The following CCDC63 variants were observed in gnomAD, a reference collection of about 807,000 sequenced individuals.
CCDC63 encodes the protein coiled-coil domain-containing protein 63.
CCDC63 carries 54 observed loss-of-function variants against 63.6 expected under a neutral mutation model. The ratio of observed to expected loss-of-function variants is 0.85; its 90% CI spans 0.68 to 1.07. The LOEUF (loss-of-function observed/expected upper bound fraction) is 1.07, where lower values mean the gene tolerates loss of function less well. Among genes scored for constraint, CCDC63 ranks in the 50% least tolerant of loss-of-function variants. The probability of loss-of-function intolerance (pLI) is 0.00; values close to 1 mark genes in which losing one functional copy is unlikely to be tolerated. For synonymous variants in CCDC63, 253 were observed against 266.1 expected (o/e 0.95, Z 0.48); for missense variants, 637 against 689.6 (o/e 0.92, Z 0.86).
intron 8 of CCDC63, among the ~76,000 whole-genome samples, chr12:110,884,567 T>C (rs1215245147): frequency 1.3e-5 from 2 of 151,844 alleles, no homozygotes; most frequent in Non-Finnish European, 2.9e-5. Context: ...TTTTGTAGAG[T>C]TGGGATTTTG....
At chr12:110,849,394 T>A (rs564023545) in intron 1 of CCDC63, among the ~76,000 whole-genome samples, 2 of 152,332 alleles carry the variant, frequency 1.3e-5, no homozygotes, top group South Asian at 4.1e-4. Context: ...ACGGTGATAT[T>A]TCTCTTCATG....
chr12:110,900,662 C>T (rs1052363508), intron 10 of CCDC63, among the ~76,000 whole-genome samples: 28 of 151,160 alleles, frequency 1.9e-4, no homozygotes, highest in African/African-American at 4.9e-4. Flanking sequence ...TGCAGTGGCG[C>T]GATCTCAGCT....
At chr12:110,894,828 C>G (rs1485212755) in intron 9 of CCDC63, among the ~76,000 whole-genome samples, 1 of 152,196 alleles carries the variant, frequency 6.6e-6, no homozygotes, top group South Asian at 2.1e-4. Context: ...GAAGCCCCAC[C>G]GCTAGCTTTT....
At chr12:110,863,409 G>A (rs538966902) in intron 4 of CCDC63, among the ~76,000 whole-genome samples, 1 of 152,284 alleles carries the variant, frequency 6.6e-6, no homozygotes, top group Admixed American at 6.5e-5. Flanking sequence ...CTCGCATGAT[G>A]TACCAGTGAG....
At chr12:110,904,450 T>A in intron 10 of CCDC63, 138 bp from the exon 11 acceptor site, 1 of 691,858 alleles carries the variant, frequency 1.4e-6, no homozygotes. Flanking sequence ...GGAGAAAGCC[T>A]TTTCCTTGTC....
At chr12:110,873,330 G>A (rs2136683224) in intron 4 of CCDC63, among the ~76,000 whole-genome samples, 1 of 152,366 alleles carries the variant, frequency 6.6e-6, no homozygotes, top group East Asian at 1.9e-4. Context: ...TCACAAGGAT[G>A]GAGGAGAAGT....
At chr12:110,868,332 C>T (rs1250046916) in intron 4 of CCDC63, among the ~76,000 whole-genome samples, 1 of 137,276 alleles carries the variant, frequency 7.3e-6, no homozygotes, top group African/African-American at 2.9e-5. Flanking sequence ...GACGGGGTGG[C>T]GGCTGGGCAG....
chr12:110,862,554 A>G (rs958200004), intron 4 of CCDC63, among the ~76,000 whole-genome samples: 1 of 152,200 alleles, frequency 6.6e-6, no homozygotes, highest in African/African-American at 2.4e-5. Flanking sequence ...ACTCCAAAGG[A>G]AATCCAACTC....
rs762248232 is a variant in CCDC63, at chr12:110,853,565, C to G, written c.170C>G (p.Ala57Gly). 6.2e-7 allele frequency: 1 copy of G among 1,614,122 alleles called. No individual in the cohort carries two copies. The highest frequency in any genetic ancestry group is 1.1e-5 in the South Asian group (1 of 91,082). The change falls in exon 3 of 12, where the codon GCG (alanine) becomes GGG (glycine). Residue 57 changes from alanine (A) to glycine (G), a missense_variant. Transcript: ENST00000308208. The stretch of plus-strand genomic sequence containing the variant: ...AAGTTCCGAAACCAGCAGAAGATTG[C>G]GAGTCAGTAGTAAGTGATGGTTGGA... The part of the protein sequence containing the change: ...SFKFRNQQKI[A>G]SQYKEIKTLK...
intron 3 of CCDC63, 108 bp downstream of exon 3, chr12:110,853,682 C>T: frequency 8.1e-7 from 1 of 1,227,696 alleles, no homozygotes; most frequent in Non-Finnish European, 1.2e-6. Flanking sequence ...GGAGCCACCT[C>T]TGAGCCCCAT....
chr12:110,893,715 G>A (rs1159690779), intron 9 of CCDC63, among the ~76,000 whole-genome samples: 2 of 152,138 alleles, frequency 1.3e-5, no homozygotes, highest in Admixed American at 6.6e-5. Context: ...TATTGTATAC[G>A]TTTTGAGCTT....
At chr12:110,869,167 C>A (rs931723781) in intron 4 of CCDC63, among the ~76,000 whole-genome samples, 2 of 152,186 alleles carry the variant, frequency 1.3e-5, no homozygotes, top group Admixed American at 6.5e-5. Flanking sequence ...CCCCTGATTC[C>A]CAGCTGGAGG....
chr12:110,847,375 G>A (rs2070650694), intron 1 of CCDC63, among the ~76,000 whole-genome samples: 1 of 151,982 alleles, frequency 6.6e-6, no homozygotes, highest in African/African-American at 2.4e-5. Context: ...ACCAGCTCGG[G>A]CAAATTCGTC....
intron 10 of CCDC63, among the ~76,000 whole-genome samples, chr12:110,902,571 A>C (rs2071501874): frequency 1.4e-5 from 2 of 143,662 alleles, no homozygotes; most frequent in African/African-American, 5.3e-5. Flanking sequence ...TTCACCCCCT[A>C]CTCCCCCCGA....
chr12:110,877,068 T>C (rs907001139), intron 5 of CCDC63, among the ~76,000 whole-genome samples: 12 of 152,016 alleles, frequency 7.9e-5, no homozygotes, highest in Non-Finnish European at 1.6e-4. Context: ...GTATATAATA[T>C]ATTATTTGAT....
chr12:110,891,003 T>C (rs1034231776), intron 8 of CCDC63, among the ~76,000 whole-genome samples: 3 of 152,072 alleles, frequency 2.0e-5, no homozygotes, highest in Non-Finnish European at 2.9e-5. Flanking sequence ...GGTCTCAAAC[T>C]CCTGGGCTCA....
Position 110,907,496 on chromosome 12 carries a change from CT to C in CCDC63, c.*23del. On this transcript the variant is annotated 3_prime_UTR_variant, in exon 12 of 12. Transcript: ENST00000308208. This position sits in a 1 kb window ranked among gnomAD's most constrained non-coding sequence, Gnocchi z 4.4. ...ATGTGAGGTGCATGCATGGGGCCAC[CT>C]TTGCAACATAACCGAAAGAATAAAT... 6.2e-7 allele frequency: 1 copy of C among 1,613,748 alleles called. No homozygotes were observed. Among genetic ancestry groups the C allele is most frequent in the South Asian group, 1.1e-5 (1 of 91,000 alleles).
At chr12:110,854,670 G>T (rs1031628975) in intron 3 of CCDC63, among the ~76,000 whole-genome samples, 1 of 152,118 alleles carries the variant, frequency 6.6e-6, no homozygotes, top group Non-Finnish European at 1.5e-5. Flanking sequence ...GACTTTCTTA[G>T]ATTCCCTCCA....
chr12:110,895,128 TTTTGAGACGGAGTC>T (rs1270983229), intron 9 of CCDC63, among the ~76,000 whole-genome samples: 1 of 151,972 alleles, frequency 6.6e-6, no homozygotes, highest in Non-Finnish European at 1.5e-5. Context: ...AATTAATTAA[TTTTGAGACGGAGTC>T]TCGCTCTGTC....
Sources: allele counts gnomAD v4.1 joint callset (sites outside exome capture counted in the v4.1 genomes callset), GRCh38; gene constraint gnomAD v4.1.1; non-coding constraint Gnocchi (gnomAD v3.1); transcripts MANE v1.5; gene names NCBI Gene and HGNC (gene_info 2026-07-23, HGNC 2026-07-21).